PCDHA9: variants seen among roughly 807,000 people sequenced by gnomAD.
PCDHA9 encodes protocadherin alpha-9.
A neutral mutation model predicts 62.0 loss-of-function variants in PCDHA9; 62 were observed. The observed-to-expected ratio is 1.00, with a 90% CI of 0.81 to 1.23. The LOEUF is 1.23. PCDHA9 is among the 50% of genes most tolerant of loss of function. PCDHA9 has a pLI of 0.00. For synonymous variants in PCDHA9, 557 were observed against 567.6 expected, an observed-to-expected ratio of 0.98 and a Z score of 0.27; for missense variants, 1,205 against 1,249.8, an observed-to-expected ratio of 0.96 and a Z score of 0.54.
chr5:140,945,079 T>C (rs1554216701), intron 1 of PCDHA9, among the ~76,000 whole-genome samples: 1 of 152,126 alleles, frequency 6.6e-6, no homozygotes, highest in South Asian at 2.1e-4. Context: ...ACCAAAACAC[T>C]CTTGGAACTA....
At chr5:140,883,614 A>G (rs2059700095) in intron 1 of PCDHA9, 1 of 1,613,816 alleles carries the variant, frequency 6.2e-7, no homozygotes, top group South Asian at 1.1e-5. Context: ...GCCGACGTGA[A>G]CGACAACGCG....
chr5:140,883,518 G>A, intron 1 of PCDHA9: 2 of 1,614,234 alleles, frequency 1.2e-6, no homozygotes, highest in South Asian at 1.1e-5. Flanking sequence ...GACCGCGAGA[G>A]CGTATCAGCC....
At chr5:140,992,606 G>A (rs1554253052) in intron 3 of PCDHA9, among the ~76,000 whole-genome samples, 1 of 152,188 alleles carries the variant, frequency 6.6e-6, no homozygotes. Flanking sequence ...CTGTGTCTAA[G>A]TGAAAGCAGA....
In PCDHA9 at chr5:140,875,548, G is replaced by A. The variant is rs782463775; in HGVS notation, c.2394+24659G>A. On this transcript the variant is annotated intron_variant, in intron 1 of 3. Coordinates refer to ENST00000532602, the MANE Select transcript of PCDHA9 (RefSeq NM_031857.2). ...GCTTCTGCTCCTTGCAGCCTGGGAG[G>A]TGGGGAGCGGCCAGCTCCACTACTC... 24 of 1,614,054 alleles carry A rather than the reference G, an allele frequency of 1.5e-5. 1 individual carries two copies. The Admixed American group carries it at 3.5e-4, about 24-fold the overall frequency.
At chr5:140,959,697 CTTTGAAAGGGA>C (rs2095506406) in intron 1 of PCDHA9, among the ~76,000 whole-genome samples, 1 of 152,008 alleles carries the variant, frequency 6.6e-6, no homozygotes, top group Non-Finnish European at 1.5e-5. Flanking sequence ...ATAAAATGAG[CTTTGAAAGGGA>C]AAATTTTTAG....
intron 1 of PCDHA9, chr5:140,865,868 G>A (rs2049029480): frequency 1.3e-5 from 2 of 152,098 alleles, no homozygotes; most frequent in African/African-American, 2.4e-5. Context: ...CATGGTCTCG[G>A]CTAGGAAAAT....
rs2150529227 is a variant in PCDHA9 at position 140,853,161 on chromosome 5, G to A, written c.2394+2272G>A. 6.4e-6 allele frequency: 6 copies of A among 935,678 alleles called. 1 individual carries two copies. Among genetic ancestry groups the A allele is most frequent in the Non-Finnish European group, 6.5e-6 (5 of 772,756 alleles). 58.0% of individuals were successfully genotyped at this position (935,678 alleles called of 1,614,324 possible). ...CCCAAAATGCTGGGATTACAGGCGT[G>A]AGCCACCGCGCCTGGCCTAAAATGT... is the stretch of plus-strand genomic sequence containing the variant. On this transcript the variant is annotated intron_variant, in intron 1 of 3. Coordinates refer to ENST00000532602, the MANE Select transcript of PCDHA9 (RefSeq NM_031857.2).
intron 1 of PCDHA9, chr5:140,881,433 T>A (rs1554172102): frequency 1.1e-6 from 1 of 872,990 alleles, no homozygotes; most frequent in African/African-American, 1.8e-5. Context: ...AGGCATATTT[T>A]ATAAAAACAG....
chr5:140,982,634 T>C, intron 3 of PCDHA9, 71 bp downstream of exon 3: 1 of 1,555,420 alleles, frequency 6.4e-7, no homozygotes, highest in Non-Finnish European at 8.7e-7. Flanking sequence ...TTTTGTAAGA[T>C]CAGGAATGTT....
In PCDHA9 at chr5:140,869,379, C is replaced by G. The variant is rs1554162987; in HGVS notation, c.2394+18490C>G. The G allele has an allele frequency of 1.9e-6, 3 of 1,614,122 alleles. No individual in the cohort carries two copies. The South Asian group carries it at 3.3e-5, about 18-fold the overall frequency. ...TGTTTGTGAATTCTCGGATCGACCG[C>G]GAGGAGCTGTGCGGGCAGAGCGCGG... On this transcript the variant is annotated intron_variant, in intron 1 of 3. Coordinates refer to ENST00000532602, the MANE Select transcript of PCDHA9 (RefSeq NM_031857.2).
Position 140,908,881 on chromosome 5 carries a change from A to G in PCDHA9, c.2394+57992A>G, listed in dbSNP as rs77004912. Among the ~76,000 whole-genome samples, 1,225 of 152,366 alleles carry G rather than the reference A, an allele frequency of 8.0e-3. 6 individuals carry two copies. The highest frequency in any genetic ancestry group is 0.019 in the African/African-American group (790 of 41,588). Reference sequence around the variant, plus strand: ...AGGAATGTGTTGCCTCCAAAATCCAATAGTCCCAAATAAGCCTCTTTCGTG... The same window carrying G: ...AGGAATGTGTTGCCTCCAAAATCCAGTAGTCCCAAATAAGCCTCTTTCGTG... On this transcript the variant is annotated intron_variant, in intron 1 of 3. Transcript: ENST00000532602.
intron 3 of PCDHA9, among the ~76,000 whole-genome samples, chr5:140,999,859 C>T (rs2153959609): frequency 6.6e-6 from 1 of 152,256 alleles, no homozygotes; most frequent in South Asian, 2.1e-4. Context: ...TCTTCCGCTC[C>T]AAGATTACTG....
chr5:140,983,378 G>A (rs782292944), intron 3 of PCDHA9, among the ~76,000 whole-genome samples: 1 of 152,162 alleles, frequency 6.6e-6, no homozygotes, highest in Non-Finnish European at 1.5e-5. Flanking sequence ...GAGGCCCATC[G>A]CTGTGGCAGT....
chr5:140,969,214 A>G (rs906572071), intron 1 of PCDHA9: 5 of 1,614,194 alleles, frequency 3.1e-6, no homozygotes, highest in Non-Finnish European at 4.2e-6. Context: ...CCCAGACAGG[A>G]CCAGGGCCTT....
At chr5:140,862,361 ACCC>A in intron 1 of PCDHA9, 2 of 339,278 alleles carry the variant, frequency 5.9e-6, no homozygotes, top group South Asian at 4.8e-5. Context: ...GGGACAGACG[ACCC>A]GCACCCTGAC....
chr5:140,943,257 C>CAAAAA (rs1238620023), intron 1 of PCDHA9, among the ~76,000 whole-genome samples: 3 of 77,348 alleles, frequency 3.9e-5, no homozygotes, highest in Non-Finnish European at 5.0e-5. Context: ...GACTCTGTCT[C>CAAAAA]AAAAAAAAAA....
chr5:140,947,704 G>T (rs1199039011), intron 1 of PCDHA9, among the ~76,000 whole-genome samples: 2 of 151,488 alleles, frequency 1.3e-5, no homozygotes, highest in East Asian at 3.9e-4. Flanking sequence ...GTAGTTTTAA[G>T]TATTGAGGTT....
intron 1 of PCDHA9, chr5:140,871,407 C>G: frequency 6.2e-7 from 1 of 1,614,070 alleles, no homozygotes; most frequent in Non-Finnish European, 8.5e-7. Context: ...AGACGGACCT[C>G]ATGGCCTTCA....
At chr5:140,892,561 A>T (rs766284976) in intron 1 of PCDHA9, among the ~76,000 whole-genome samples, 1 of 152,156 alleles carries the variant, frequency 6.6e-6, no homozygotes, top group Non-Finnish European at 1.5e-5. Context: ...GTCCTTGGAG[A>T]CTGTCAAAAG....
Sources: allele counts gnomAD v4.1 joint callset (sites outside exome capture counted in the v4.1 genomes callset), GRCh38; gene constraint gnomAD v4.1.1; transcripts MANE v1.5; gene names NCBI Gene and HGNC (gene_info 2026-07-23, HGNC 2026-07-21).